Variants in OPRM1 observed in about 807,000 individuals in gnomAD.
The protein encoded by OPRM1 is opioid receptor mu 1.
Under a neutral mutation model 31.8 loss-of-function variants are expected in OPRM1, and 27 were observed. That is an observed-to-expected ratio of 0.85 (90% CI 0.63 to 1.17). The LOEUF (loss-of-function observed/expected upper bound fraction) is 1.17. Ranked by LOEUF, OPRM1 falls within the 50% of genes most tolerant of loss-of-function variation. OPRM1 has a pLI of 0.00. For synonymous variants in OPRM1, 196 were observed against 189.9 expected (o/e 1.03, Z -0.26); for missense variants, 536 against 511.1 (o/e 1.05, Z -0.47).
chr6:154,054,603 TAAGG>T (rs1241182962), intron 1 of OPRM1, among the ~76,000 whole-genome samples: 1 of 152,226 alleles, frequency 6.6e-6, no homozygotes, highest in Non-Finnish European at 1.5e-5. Flanking sequence ...CCCTGAACTT[TAAGG>T]GGTTATTTAT....
Position 154,146,796 on chromosome 6 carries a change from T to C in OPRM1, c.1164+55324T>C, listed in dbSNP as rs375041689. ...AGAGCCATGCCGAGGGGTGGGTAACTGTCCTAGGTCAGGTTCCAGAGAAGA... is the reference window on the plus strand; with the variant it reads ...AGAGCCATGCCGAGGGGTGGGTAACCGTCCTAGGTCAGGTTCCAGAGAAGA... On this transcript the variant is annotated intron_variant, in intron 3 of 3. Coordinates refer to the OPRM1 transcript ENST00000337049. Among the ~76,000 whole-genome samples the C allele has an allele frequency of 1.8e-4, 27 of 152,250 alleles. 1 individual carries two copies. Among genetic ancestry groups the C allele is most frequent in the Middle Eastern group, 3.4e-3 (1 of 294 alleles).
At chr6:154,010,644 T>G in exon 1 of OPRM1, 1 of 1,493,016 alleles carries the variant, frequency 6.7e-7, no homozygotes, top group Non-Finnish European at 9.0e-7. Flanking sequence ...GTTTGCATCC[T>G]GAAAACTCAC....
chr6:154,038,570 C>T (rs538623289), upstream of OPRM1, among the ~76,000 whole-genome samples: 5 of 152,198 alleles, frequency 3.3e-5, no homozygotes, highest in East Asian at 3.9e-4. Context: ...ATATGTCTAT[C>T]GAGGAAGTCT....
At chr6:154,224,992 T>A (rs760380492) in intron 3 of OPRM1, among the ~76,000 whole-genome samples, 8 of 152,294 alleles carry the variant, frequency 5.3e-5, no homozygotes, top group Non-Finnish European at 1.2e-4. Context: ...CAAAAAAGTA[T>A]AGTTTTGAAA....
intron 3 of OPRM1, among the ~76,000 whole-genome samples, chr6:154,225,430 T>C (rs1050838098): frequency 2.0e-5 from 3 of 152,242 alleles, no homozygotes; most frequent in African/African-American, 7.2e-5. Context: ...AATAAAGTAC[T>C]AATACATGCT....
intron 1 of OPRM1, among the ~76,000 whole-genome samples, chr6:154,015,455 A>AT (rs1381109968): frequency 1.3e-5 from 2 of 152,124 alleles, no homozygotes; most frequent in Non-Finnish European, 2.9e-5. Flanking sequence ...TGATAGCCAT[A>AT]TGGAAAAAGA....
chr6:154,147,153 A>G (rs1307429200), intron 3 of OPRM1, among the ~76,000 whole-genome samples: 1 of 152,168 alleles, frequency 6.6e-6, no homozygotes, highest in Non-Finnish European at 1.5e-5. Context: ...TCTGGAGGAC[A>G]AGGCAATGGG....
intron 1 of OPRM1, chr6:154,083,424 A>AT (rs1789627865): frequency 1.3e-5 from 2 of 152,244 alleles, no homozygotes; most frequent in Admixed American, 1.3e-4. Context: ...TTCCTCTGAT[A>AT]TTTTAAGCAC....
In OPRM1 at chr6:154,091,146, A is replaced by G; in HGVS notation, c.838A>G (p.Ile280Val). 1 of 1,614,188 alleles carries G rather than the reference A, an allele frequency of 6.2e-7. No individual in the cohort carries two copies. Among genetic ancestry groups the G allele is most frequent in the Non-Finnish European group, 8.5e-7 (1 of 1,180,022 alleles). Residue 280 changes from isoleucine (I) to valine (V), a missense_variant, in exon 3 of 4, where the codon ATC becomes GTC. By Grantham distance (29) the Ile-to-Val change is conservative. Coordinates refer to ENST00000330432, the MANE Select transcript of OPRM1 (RefSeq NM_000914.5). ...AGAAAAGGACAGGAATCTTCGAAGG[A>G]TCACCAGGATGGTGCTGGTGGTGGT... Reference protein sequence around the residue: ...SKEKDRNLRRITRMVLVVVAV... With the variant: ...SKEKDRNLRRVTRMVLVVVAV...
At chr6:154,145,970 C>A (rs1195975337) in intron 3 of OPRM1, among the ~76,000 whole-genome samples, 1 of 152,212 alleles carries the variant, frequency 6.6e-6, no homozygotes, top group African/African-American at 2.4e-5. Context: ...AGGTTTATAA[C>A]CCTCACACTG....
At chr6:154,092,694 A>G (rs2128489400) in intron 3 of OPRM1, among the ~76,000 whole-genome samples, 1 of 152,234 alleles carries the variant, frequency 6.6e-6, no homozygotes, top group African/African-American at 2.4e-5. Flanking sequence ...CCCAGGCTCA[A>G]CCTTTCTAAT....
At position 154,039,467 on chromosome 6, in the gene OPRM1, G is replaced by A. The variant is rs571366137; in HGVS notation, c.-78G>A. The A allele has an allele frequency of 6.4e-7, 1 of 1,553,956 alleles. No homozygotes were observed. The highest frequency in any genetic ancestry group is 2.0e-5 in the Admixed American group (1 of 51,206). ...GCTGTGGCAGCGGCGAAAGGAAGCG[G>A]CTGAGGCGCTTGGAACCCGAAAAGT... On this transcript the variant is annotated 5_prime_UTR_variant, in exon 1 of 4. Transcript: ENST00000330432.
intron 1 of OPRM1, among the ~76,000 whole-genome samples, chr6:154,065,177 G>C (rs1180559216): frequency 7.0e-5 from 10 of 142,748 alleles, no homozygotes; most frequent in African/African-American, 2.6e-4. Flanking sequence ...TTTAGACAGA[G>C]TCTCACTCTG....
intron 1 of OPRM1, among the ~76,000 whole-genome samples, chr6:154,015,636 G>A (rs1383906043): frequency 6.6e-6 from 1 of 151,770 alleles, no homozygotes; most frequent in African/African-American, 2.4e-5. Flanking sequence ...AAGTAATACA[G>A]GAAAAAATTG....
chr6:154,178,204 G>A (rs1358127610), intron 3 of OPRM1, among the ~76,000 whole-genome samples: 4 of 152,124 alleles, frequency 2.6e-5, no homozygotes, highest in Non-Finnish European at 5.9e-5. Context: ...TGAGTTGATG[G>A]CTGTAGCAAA....
intron 3 of OPRM1, among the ~76,000 whole-genome samples, chr6:154,149,321 TC>T (rs1182646888): frequency 5.9e-5 from 9 of 152,212 alleles, no homozygotes; most frequent in African/African-American, 2.2e-4. Flanking sequence ...TTGTGAGAAC[TC>T]ACTCACTATC....
chr6:154,202,433 G>A (rs191547367), intron 3 of OPRM1, among the ~76,000 whole-genome samples: 172 of 152,228 alleles, frequency 1.1e-3, no homozygotes, highest in African/African-American at 3.9e-3. Context: ...CTCGTTAGCA[G>A]GATCTACAAA....
chr6:154,101,710 A>G (rs960674365), intron 3 of OPRM1, among the ~76,000 whole-genome samples: 5 of 152,266 alleles, frequency 3.3e-5, no homozygotes, highest in Non-Finnish European at 5.9e-5. Context: ...CCAGAAATGT[A>G]TTTTTTTATT....
downstream of OPRM1, among the ~76,000 whole-genome samples, chr6:154,132,917 C>T (rs1019552358): frequency 3.9e-5 from 6 of 151,982 alleles, no homozygotes; most frequent in African/African-American, 9.7e-5. Flanking sequence ...GTCAGGAGAT[C>T]GAGACCATCC....
Sources: allele counts gnomAD v4.1 joint callset (sites outside exome capture counted in the v4.1 genomes callset), GRCh38; gene constraint gnomAD v4.1.1; transcripts MANE v1.5; gene names NCBI Gene and HGNC (gene_info 2026-07-23, HGNC 2026-07-21).